The following NKAIN1 variants were observed in gnomAD, a reference collection of about 807,000 sequenced individuals.
The protein encoded by NKAIN1 is sodium/potassium transporting ATPase interacting 1, also known as sodium/potassium-transporting ATPase subunit beta-1-interacting protein 1.
In NKAIN1, 13 loss-of-function variants were observed where a neutral mutation model predicts 31.6. The ratio of observed to expected loss-of-function variants is 0.41; its 90% CI spans 0.27 to 0.65. NKAIN1 has a LOEUF of 0.65. Among genes scored for constraint, NKAIN1 ranks in the 30% least tolerant of loss-of-function variants. The pLI, the probability that NKAIN1 is intolerant of heterozygous loss-of-function variation, is 0.30. For missense variants in NKAIN1, 193 were observed against 262.2 expected (o/e 0.74, Z 1.82); for synonymous variants, 104 against 109.0 (o/e 0.95, Z 0.28).
At chr1:31,185,551 A>G (rs192482380) in intron 2 of NKAIN1, among the ~76,000 whole-genome samples, 134 of 152,220 alleles carry the variant, frequency 8.8e-4, no homozygotes, top group Middle Eastern at 3.4e-3. Flanking sequence ...CTAACTTAAA[A>G]CTGAAAGGAA....
rs577967845 is a variant in NKAIN1, at chr1:31,210,287, C to T, written c.55-22100G>A. Among the ~76,000 whole-genome samples, 636 of 125,688 alleles carry T rather than the reference C, an allele frequency of 5.1e-3. 45 individuals carry two copies. The East Asian group carries it at 0.12, about 23-fold the overall frequency. The allele number at this position is 125,688 out of a possible 152,430, so 82.5% of individuals were successfully genotyped here. On this transcript the variant is annotated intron_variant, in intron 1 of 6. Transcript: ENST00000373736. ...GTGCAAAAGTAATTGTGGTTTTTGCCATTCTTTTTTTTTTTTTTTTTAATG... is the reference window on the plus strand; with the variant it reads ...GTGCAAAAGTAATTGTGGTTTTTGCTATTCTTTTTTTTTTTTTTTTTAATG...
chr1:31,224,493 G>A (rs993608569), intron 1 of NKAIN1, among the ~76,000 whole-genome samples: 3 of 152,172 alleles, frequency 2.0e-5, no homozygotes, highest in African/African-American at 7.2e-5. Context: ...TAAACCCATC[G>A]TAAGTCAAAA....
Position 31,203,367 on chromosome 1 carries a change from A to AC in NKAIN1, c.55-15181dup, listed in dbSNP as rs1645398797. Among the ~76,000 whole-genome samples, 3 of 128,072 alleles carry AC rather than the reference A, an allele frequency of 2.3e-5. No homozygotes were observed. The South Asian group carries it at 7.5e-4, about 32-fold the overall frequency. The allele number at this position is 128,072 out of a possible 152,430, so 84.0% of individuals were successfully genotyped here. A position where few individuals can be genotyped will look rare whatever the true frequency, so the allele number is the denominator to read the frequency against. ...AATGACAGTGCCTCCACACGATTCA[A>AC]CACAATGCAGCCATTATGATGGAGT... On this transcript the variant is annotated intron_variant, in intron 1 of 6. Transcript: ENST00000373736.
chr1:31,235,314 G>A (rs1348097260), intron 1 of NKAIN1, among the ~76,000 whole-genome samples: 1 of 150,360 alleles, frequency 6.7e-6, no homozygotes, highest in Non-Finnish European at 1.5e-5. Flanking sequence ...AAAATTAGAG[G>A]GTGAATATGT....
chr1:31,200,356 TTCTAGG>T (rs941980485), intron 1 of NKAIN1, among the ~76,000 whole-genome samples: 2 of 152,188 alleles, frequency 1.3e-5, no homozygotes, highest in Admixed American at 1.3e-4. Context: ...GAGATGTTAT[TTCTAGG>T]GAGTGGGGAG....
rs141244411 is a variant in NKAIN1 at position 31,211,801 on chromosome 1, G to A, written c.55-23614C>T. ...ACTAAAAATACAAAACATTAGCCAGGCGTGGTGACGCATGCCTGTAGTCCT... is the reference window on the plus strand; with the variant it reads ...ACTAAAAATACAAAACATTAGCCAGACGTGGTGACGCATGCCTGTAGTCCT... On this transcript the variant is annotated intron_variant, in intron 1 of 6. Transcript: ENST00000373736. 2.4e-3 allele frequency among the ~76,000 whole-genome samples: 367 copies of A among 152,144 alleles called. 7 individuals carry two copies. The highest frequency in any genetic ancestry group is 0.019 in the Admixed American group (291 of 15,276).
At chr1:31,190,841 C>A (rs1301744989) in intron 1 of NKAIN1, among the ~76,000 whole-genome samples, 1 of 152,190 alleles carries the variant, frequency 6.6e-6, no homozygotes, top group Non-Finnish European at 1.5e-5. Flanking sequence ...CTGACTCTGC[C>A]TGGCCTTGGG....
chr1:31,222,766 C>A (rs1645573918), intron 1 of NKAIN1, among the ~76,000 whole-genome samples: 1 of 152,182 alleles, frequency 6.6e-6, no homozygotes, highest in African/African-American at 2.4e-5. Flanking sequence ...GTGCAAAGTT[C>A]AAGGAGTTTG....
intron 1 of NKAIN1, among the ~76,000 whole-genome samples, chr1:31,215,635 C>T (rs1645506092): frequency 6.6e-6 from 1 of 152,128 alleles, no homozygotes; most frequent in Admixed American, 6.5e-5. Flanking sequence ...CTCCACCCCT[C>T]CCCTCAGTCC....
chr1:31,199,460 T>C (rs1317949802), intron 1 of NKAIN1, among the ~76,000 whole-genome samples: 1 of 152,028 alleles, frequency 6.6e-6, no homozygotes, highest in Non-Finnish European at 1.5e-5. Flanking sequence ...GCTGACAAAA[T>C]TAAACTCGAC....
intron 1 of NKAIN1, among the ~76,000 whole-genome samples, chr1:31,217,608 G>C (rs1645523267): frequency 6.6e-6 from 1 of 152,244 alleles, no homozygotes; most frequent in South Asian, 2.1e-4. Flanking sequence ...GCAGAGAGTA[G>C]CTGACTGCTT....
chr1:31,225,568 T>C (rs1645597697), intron 1 of NKAIN1, among the ~76,000 whole-genome samples: 1 of 152,062 alleles, frequency 6.6e-6, no homozygotes, highest in African/African-American at 2.4e-5. Context: ...CCTCAAGTGA[T>C]CCACCCACCA....
chr1:31,239,548 G>T lies in NKAIN1; in HGVS notation c.-1C>A. On this transcript the variant is annotated 5_prime_UTR_variant, in exon 1 of 7. Transcript: ENST00000373736. This position sits in a 1 kb window ranked among gnomAD's most constrained non-coding sequence, Gnocchi z 4.8. ...TGCAGCGCCCGCTGCACTTGCCCATGGCTCCGGGGGCTGCGCGGGCCGCAC... is the reference window on the plus strand; with the variant it reads ...TGCAGCGCCCGCTGCACTTGCCCATTGCTCCGGGGGCTGCGCGGGCCGCAC... The T allele has an allele frequency of 8.0e-7, 1 of 1,253,036 alleles. No individual in the cohort carries two copies. Among genetic ancestry groups the T allele is most frequent in the East Asian group, 3.2e-5 (1 of 31,412 alleles). 77.6% of individuals were successfully genotyped at this position (1,253,036 alleles called of 1,614,324 possible). A position where few individuals can be genotyped will look rare whatever the true frequency, so the allele number is the denominator to read the frequency against.
rs1645669931 is a variant in NKAIN1, at chr1:31,233,406, C to G, written c.54+6088G>C. On this transcript the variant is annotated intron_variant, in intron 1 of 6. Transcript: ENST00000373736. This position sits in a 1 kb window ranked among gnomAD's most constrained non-coding sequence, Gnocchi z 4.0. ...TCCACCTGCTTCCACTCCAGCGTCC[C>G]ACAATACTAGCAGGGGGCAATGGGG... 6.6e-6 allele frequency among the ~76,000 whole-genome samples: 1 copy of G among 152,158 alleles called. No individual in the cohort carries two copies. Among genetic ancestry groups the G allele is most frequent in the Admixed American group, 6.5e-5 (1 of 15,270 alleles).
At chr1:31,185,208 C>G (rs1242307079) in intron 3 of NKAIN1, 39 bp downstream of exon 3, 1 of 1,549,828 alleles carries the variant, frequency 6.5e-7, no homozygotes, top group Non-Finnish European at 8.8e-7. Flanking sequence ...TGGGAATGGT[C>G]AGGCTCTGCC....
At chr1:31,190,156 GC>G (rs2148350699) in intron 1 of NKAIN1, among the ~76,000 whole-genome samples, 1 of 152,304 alleles carries the variant, frequency 6.6e-6, no homozygotes, top group African/African-American at 2.4e-5. Context: ...GATATAAGAA[GC>G]CTTTTTCCAG....
chr1:31,195,069 CTCTT>C (rs1287694842), intron 1 of NKAIN1, among the ~76,000 whole-genome samples: 7 of 150,478 alleles, frequency 4.7e-5, no homozygotes, highest in Admixed American at 1.3e-4. Flanking sequence ...CCGCGCCTGA[CTCTT>C]TCTTTTTTTC....
intron 1 of NKAIN1, among the ~76,000 whole-genome samples, chr1:31,215,442 G>A (rs919866389): frequency 1.3e-5 from 2 of 152,198 alleles, no homozygotes; most frequent in Non-Finnish European, 2.9e-5. Context: ...TACGCTGCCC[G>A]TGATGTGGGA....
intron 1 of NKAIN1, among the ~76,000 whole-genome samples, chr1:31,237,965 G>A (rs1221613448): frequency 6.6e-6 from 1 of 152,162 alleles, no homozygotes; most frequent in Non-Finnish European, 1.5e-5. Context: ...GGCATTTCAT[G>A]TTCCTCAAAG....
Sources: allele counts gnomAD v4.1 joint callset (sites outside exome capture counted in the v4.1 genomes callset), GRCh38; gene constraint gnomAD v4.1.1; non-coding constraint Gnocchi (gnomAD v3.1); transcripts MANE v1.5; gene names NCBI Gene and HGNC (gene_info 2026-07-23, HGNC 2026-07-21).